Variants in VTCN1 observed in about 807,000 individuals in gnomAD.
VTCN1 encodes the protein V-set domain containing T cell activation inhibitor 1, also known as V-set domain-containing T-cell activation inhibitor 1.
A neutral mutation model predicts 26.5 loss-of-function variants in VTCN1; 26 were observed. That is an observed-to-expected ratio of 0.98 (90% CI 0.72 to 1.36). The LOEUF (loss-of-function observed/expected upper bound fraction) is 1.36, where lower values mean the gene tolerates loss of function less well. VTCN1 is among the 40% of genes most tolerant of loss of function. The pLI is 0.00. For missense variants in VTCN1, 298 were observed against 337.7 expected, an observed-to-expected ratio of 0.88 and a Z score of 0.92; for synonymous variants, 116 against 130.7, an observed-to-expected ratio of 0.89 and a Z score of 0.77.
intron 1 of VTCN1, chr1:117,203,876 G>T: frequency 1.3e-6 from 1 of 763,726 alleles, no homozygotes; most frequent in Non-Finnish European, 1.6e-6. Context: ...CAGGATGGGG[G>T]GAATGAAAAT....
chr1:117,182,602 G>A (rs1307903953), intron 1 of VTCN1, among the ~76,000 whole-genome samples: 2 of 152,130 alleles, frequency 1.3e-5, no homozygotes, highest in African/African-American at 4.8e-5. Context: ...TAGGGTGGAG[G>A]CAACCTTATG....
At chr1:117,199,016 G>A (rs1484143238) in intron 1 of VTCN1, among the ~76,000 whole-genome samples, 1 of 152,144 alleles carries the variant, frequency 6.6e-6, no homozygotes, top group African/African-American at 2.4e-5. Flanking sequence ...TGCTCAGCCA[G>A]CATCTGCATC....
At chr1:117,196,937 C>A (rs927331899) in intron 1 of VTCN1, among the ~76,000 whole-genome samples, 3 of 152,178 alleles carry the variant, frequency 2.0e-5, no homozygotes, top group African/African-American at 7.2e-5. Flanking sequence ...AGAATACTTC[C>A]TTCACAGTTT....
rs1652042440 is a variant in VTCN1, at chr1:117,155,830, C to G, written c.445+744G>C. On this transcript the variant is annotated intron_variant, in intron 3 of 5. Transcript: ENST00000369458. This position sits in a 1 kb window ranked among gnomAD's most constrained non-coding sequence, Gnocchi z 4.8. The stretch of plus-strand genomic sequence containing the variant: ...TCCAGGGGGCTTTCCCATCCCTTCC[C>G]TCCTATGCATTTGAACGGGATCTCT... Among the ~76,000 whole-genome samples the G allele has an allele frequency of 6.6e-6, 1 of 152,220 alleles. No individual in the cohort carries two copies. The highest frequency in any genetic ancestry group is 2.4e-5 in the African/African-American group (1 of 41,450).
chr1:117,205,078 C>CCTGTAT (rs1557880426), intron 1 of VTCN1, among the ~76,000 whole-genome samples: 8 of 144,490 alleles, frequency 5.5e-5, no homozygotes, highest in Admixed American at 1.4e-4. Context: ...TGTATATGTA[C>CCTGTAT]ATGTATATGT....
chr1:117,158,535 C>T lies in VTCN1; in HGVS notation c.98-1614G>A, dbSNP rs962759745. On this transcript the variant is annotated intron_variant, in intron 2 of 5. Coordinates refer to ENST00000369458, the MANE Select transcript of VTCN1 (RefSeq NM_024626.4). ...GCACACAGCATGGGGACCCTGGGCC[C>T]GGCCCACAAAACTATTTTCTCCTAG... Among the ~76,000 whole-genome samples the T allele has an allele frequency of 4.6e-5, 7 of 152,142 alleles. No homozygotes were observed. In the East Asian group the frequency reaches 7.7e-4, roughly 17 times the overall value.
rs897263524 is a variant in VTCN1, at chr1:117,149,295, T to G, written c.725-1513A>C. On this transcript the variant is annotated intron_variant, in intron 4 of 5. Coordinates refer to ENST00000369458, the MANE Select transcript of VTCN1 (RefSeq NM_024626.4). ...ATTGCTCCTATGTTTTGGGGTGGGTTTTTTTTTTTTTTCTGGTAGCATCAC... is the reference window on the plus strand; with the variant it reads ...ATTGCTCCTATGTTTTGGGGTGGGTGTTTTTTTTTTTTCTGGTAGCATCAC... Among the ~76,000 whole-genome samples the G allele has an allele frequency of 5.9e-4, 84 of 143,176 alleles. 1 individual carries two copies. Among genetic ancestry groups the G allele is most frequent in the African/African-American group, 1.8e-3 (73 of 40,354 alleles). The allele number at this position is 143,176 out of a possible 152,430, so 93.9% of individuals were successfully genotyped here.
intron 1 of VTCN1, among the ~76,000 whole-genome samples, chr1:117,173,972 G>A (rs985873764): frequency 2.6e-5 from 4 of 152,194 alleles, no homozygotes; most frequent in South Asian, 2.1e-4. Flanking sequence ...GGTTTGTTCT[G>A]AGCTAGTATT....
chr1:117,191,913 G>A (rs947769701), intron 1 of VTCN1, among the ~76,000 whole-genome samples: 4 of 152,054 alleles, frequency 2.6e-5, no homozygotes, highest in African/African-American at 9.7e-5. Context: ...CTATGATCAT[G>A]CCACTGAACT....
At chr1:117,195,253 T>C (rs1329406624) in intron 1 of VTCN1, among the ~76,000 whole-genome samples, 1 of 130,556 alleles carries the variant, frequency 7.7e-6, no homozygotes, top group African/African-American at 2.9e-5. Flanking sequence ...AGAGCAAGAC[T>C]CCGTCTCAAA....
rs528438978 is a variant in VTCN1, at chr1:117,199,199, T to C, written c.32+11625A>G. Reference sequence around the variant, plus strand: ...TTTTAAAGGGATTACATTTTCATAATGTTGGGTGAATCACAATTAAACAGA... The same window carrying C: ...TTTTAAAGGGATTACATTTTCATAACGTTGGGTGAATCACAATTAAACAGA... On this transcript the variant is annotated intron_variant, in intron 1 of 5. Transcript: ENST00000369458. Among the ~76,000 whole-genome samples, 8 of 110,956 alleles carry C rather than the reference T, an allele frequency of 7.2e-5. No homozygotes were observed. In the East Asian group the frequency reaches 2.1e-3, roughly 29 times the overall value. 72.8% of individuals were successfully genotyped at this position (110,956 alleles called of 152,430 possible). A position where few individuals can be genotyped will look rare whatever the true frequency, so the allele number is the denominator to read the frequency against.
At chr1:117,170,888 T>C (rs1301574920) in intron 1 of VTCN1, among the ~76,000 whole-genome samples, 1 of 152,196 alleles carries the variant, frequency 6.6e-6, no homozygotes, top group Non-Finnish European at 1.5e-5. Context: ...GTGCAGAACG[T>C]GCAGGTTCGT....
In VTCN1 at chr1:117,156,721, G is replaced by A. The variant is rs781259290; in HGVS notation, c.298C>T (p.Arg100Trp). ...ACTTGATCAGCAAACACTGCTGTCC[G>A]GCCTCTGAACATTTCATCCTGCTCC... ...LSEQDEMFRGRTAVFADQVIV... is the reference protein window; with the variant it reads ...LSEQDEMFRGWTAVFADQVIV... The change falls in exon 3 of 6, where the codon CGG (arginine) becomes TGG (tryptophan). Residue 100 changes from arginine (R) to tryptophan (W), a missense_variant. Physicochemically the swap from Arg to Trp is moderately radical, Grantham distance 101. Transcript: ENST00000369458. The A allele has an allele frequency of 1.1e-5, 17 of 1,613,972 alleles. No homozygotes were observed. The highest frequency in any genetic ancestry group is 4.0e-5 in the African/African-American group (3 of 74,888).
chr1:117,152,534 G>T (rs1350476963), intron 4 of VTCN1, among the ~76,000 whole-genome samples: 2 of 152,144 alleles, frequency 1.3e-5, no homozygotes, highest in African/African-American at 4.8e-5. Flanking sequence ...CTCAGCTAGG[G>T]TGCTGGGAGA....
intron 1 of VTCN1, among the ~76,000 whole-genome samples, chr1:117,198,945 A>T (rs1648656930): frequency 2.6e-5 from 4 of 152,130 alleles, no homozygotes; most frequent in African/African-American, 9.7e-5. Context: ...TTGGATATCA[A>T]ATATGGGAGG....
intron 1 of VTCN1, among the ~76,000 whole-genome samples, chr1:117,185,345 G>A (rs1360472591): frequency 6.6e-6 from 1 of 152,158 alleles, no homozygotes; most frequent in Non-Finnish European, 1.5e-5. Context: ...CTACTTCATG[G>A]AAGCCAACCA....
rs146262882 is a variant in VTCN1, at chr1:117,191,638, C to A, written c.32+19186G>T. Among the ~76,000 whole-genome samples the A allele has an allele frequency of 9.9e-5, 15 of 152,196 alleles. No individual in the cohort carries two copies. The East Asian group carries it at 2.9e-3, about 29-fold the overall frequency. ...TCTCTACTAAAAGTACAAAATTAGC[C>A]GGGCATGGTGGCACATGCCTGTAAT... On this transcript the variant is annotated intron_variant, in intron 1 of 5. Coordinates refer to ENST00000369458, the MANE Select transcript of VTCN1 (RefSeq NM_024626.4).
chr1:117,178,086 C>T (rs2101545935), intron 1 of VTCN1, among the ~76,000 whole-genome samples: 1 of 151,302 alleles, frequency 6.6e-6, no homozygotes, highest in South Asian at 2.1e-4. Flanking sequence ...ACTACAGGTG[C>T]ACACCACCCA....
intron 1 of VTCN1, among the ~76,000 whole-genome samples, chr1:117,202,881 A>G (rs1648854633): frequency 1.3e-5 from 2 of 152,198 alleles, no homozygotes; most frequent in Non-Finnish European, 2.9e-5. Context: ...GAAAAGGAAA[A>G]AAAGAGAGAT....
Sources: gnomAD v4.1 joint callset for allele counts (sites outside exome capture counted in the v4.1 genomes callset) on GRCh38, gnomAD v4.1.1 for gene constraint, Gnocchi (gnomAD v3.1) non-coding constraint, MANE v1.5 for transcripts, NCBI Gene and HGNC (gene_info 2026-07-23, HGNC 2026-07-21) for gene names.